Variants in DYSF observed in about 807,000 individuals in gnomAD.
DYSF encodes the protein dysferlin, also known as dystrophy-associated fer-1-like 1.
Under a neutral mutation model 274.9 loss-of-function variants are expected in DYSF, and 212 were observed. The observed-to-expected ratio is 0.77, with a 90% CI of 0.69 to 0.86. DYSF has a LOEUF of 0.86. Ranked by LOEUF, DYSF falls within the 40% of genes least tolerant of loss-of-function variation. The pLI is 0.00. For synonymous variants in DYSF, 1,091 were observed against 1,078.7 expected (o/e 1.01, Z -0.22); for missense variants, 2,666 against 2,783.2 (o/e 0.96, Z 0.95).
chr2:71,536,827 AG>A (rs1384691790), intron 16 of DYSF, among the ~76,000 whole-genome samples: 1 of 152,240 alleles, frequency 6.6e-6, no homozygotes, highest in Admixed American at 6.5e-5. Context: ...CCTATCCAGA[AG>A]AGTGCTTTCT....
chr2:71,471,983 A>G (rs1043555189), intron 1 of DYSF, among the ~76,000 whole-genome samples: 1 of 152,162 alleles, frequency 6.6e-6, no homozygotes, highest in Non-Finnish European at 1.5e-5. Flanking sequence ...TCAATTAATT[A>G]ATTAAAAAAA....
chr2:71,602,382 C>T (rs2152861162), intron 35 of DYSF, among the ~76,000 whole-genome samples: 1 of 152,318 alleles, frequency 6.6e-6, no homozygotes, highest in South Asian at 2.1e-4. Flanking sequence ...GCTCTCAGTG[C>T]TGCCCGCTCC....
At chr2:71,685,584 G>A (rs1048901556) in intron 55 of DYSF, among the ~76,000 whole-genome samples, 1 of 152,234 alleles carries the variant, frequency 6.6e-6, no homozygotes, top group South Asian at 2.1e-4. Context: ...CCCAAGGACA[G>A]GGCAGCTTCC....
At chr2:71,529,707 TTCTCAGCTACC>T (rs2088431461) in intron 14 of DYSF, among the ~76,000 whole-genome samples, 1 of 152,244 alleles carries the variant, frequency 6.6e-6, no homozygotes, top group Non-Finnish European at 1.5e-5. Flanking sequence ...GATGTCCTAC[TTCTCAGCTACC>T]TCTTATCTAA....
upstream of DYSF, among the ~76,000 whole-genome samples, chr2:71,463,060 G>A (rs1445256921): frequency 3.9e-5 from 6 of 152,212 alleles, no homozygotes; most frequent in African/African-American, 1.4e-4. Context: ...TTTCTGCCCA[G>A]GAGCCTGTCT....
At chr2:71,543,967 G>A (rs554144399) in intron 17 of DYSF, among the ~76,000 whole-genome samples, 13 of 148,378 alleles carry the variant, frequency 8.8e-5, no homozygotes, top group Admixed American at 2.0e-4. Flanking sequence ...AGAGGGAGAC[G>A]GAGAGGGAGA....
At chr2:71,662,934 GCA>G (rs2094917885) in intron 45 of DYSF, among the ~76,000 whole-genome samples, 7 of 152,150 alleles carry the variant, frequency 4.6e-5, no homozygotes, top group South Asian at 2.1e-4. Flanking sequence ...GCACGTATGT[GCA>G]TGTGTGTGTG....
At chr2:71,516,756 G>T (rs1292545790) in intron 9 of DYSF, among the ~76,000 whole-genome samples, 1 of 152,172 alleles carries the variant, frequency 6.6e-6, no homozygotes, top group Non-Finnish European at 1.5e-5. Context: ...TGCCGTGTAG[G>T]GATTGTGTTT....
chr2:71,630,146 C>G (rs973407511), intron 41 of DYSF, among the ~76,000 whole-genome samples: 2 of 152,166 alleles, frequency 1.3e-5, no homozygotes, highest in Non-Finnish European at 2.9e-5. Context: ...TAGATTCTTT[C>G]CATAAATTCA....
At chr2:71,504,663 G>T (rs1288645623) in intron 4 of DYSF, among the ~76,000 whole-genome samples, 1 of 152,188 alleles carries the variant, frequency 6.6e-6, no homozygotes, top group Non-Finnish European at 1.5e-5. Flanking sequence ...GGTCAGGCTT[G>T]GTTCTCACTT....
At chr2:71,572,744 G>C (rs1021545753) in intron 29 of DYSF, among the ~76,000 whole-genome samples, 5 of 152,224 alleles carry the variant, frequency 3.3e-5, no homozygotes, top group African/African-American at 7.2e-5. Flanking sequence ...TCTTCAGTGA[G>C]GGGGTTTCCT....
At chr2:71,665,434 G>A (rs1314785351) in intron 47 of DYSF, 130 bp downstream of exon 47, 5 of 1,190,622 alleles carry the variant, frequency 4.2e-6, no homozygotes, top group African/African-American at 3.0e-5. Context: ...GTCTCTCCAG[G>A]GCAGCACAGA....
At chr2:71,557,818 G>C (rs1330110721) in intron 22 of DYSF, among the ~76,000 whole-genome samples, 2 of 152,242 alleles carry the variant, frequency 1.3e-5, no homozygotes, top group Non-Finnish European at 1.5e-5. Flanking sequence ...GACTGAGGCA[G>C]ACAGATCACT....
intron 36 of DYSF, 141 bp from the exon 37 acceptor site, chr2:71,611,104 C>T: frequency 1.3e-6 from 1 of 741,394 alleles, no homozygotes. Context: ...TTCTGCCTCC[C>T]TGTTTGTCCA....
rs550425700 is a variant in DYSF at position 71,649,293 on chromosome 2, G to A, written c.4626+5230G>A. 3.3e-5 allele frequency among the ~76,000 whole-genome samples: 5 copies of A among 152,126 alleles called. No individual in the cohort carries two copies. In the South Asian group the frequency reaches 8.3e-4, roughly 25 times the overall value. On this transcript the variant is annotated intron_variant, in intron 42 of 55. Transcript: ENST00000410020. Reference sequence around the variant, plus strand: ...AACTGACAAAAATTAGGTGGAGAAGGACAAAAGAGTATGGAATATAGAGTA... The same window carrying A: ...AACTGACAAAAATTAGGTGGAGAAGAACAAAAGAGTATGGAATATAGAGTA...
At chr2:71,512,178 C>T (rs2086168226) in intron 5 of DYSF, among the ~76,000 whole-genome samples, 1 of 152,220 alleles carries the variant, frequency 6.6e-6, no homozygotes, top group African/African-American at 2.4e-5. Context: ...CTCCAAGCCC[C>T]AGCTGCCTGG....
chr2:71,506,357 G>A lies in DYSF; in HGVS notation c.345+3038G>A, dbSNP rs117413919. Reference sequence around the variant, plus strand: ...CAAGACAGGAGTCTCAAGTTCTGCTGATCTCGTTGATTGTGGGCCCCAAGG... The same window carrying A: ...CAAGACAGGAGTCTCAAGTTCTGCTAATCTCGTTGATTGTGGGCCCCAAGG... On this transcript the variant is annotated intron_variant, in intron 4 of 55. Transcript: ENST00000410020. 1.4e-4 allele frequency among the ~76,000 whole-genome samples: 21 copies of A among 152,278 alleles called. No homozygotes were observed. The East Asian group carries it at 4.1e-3, about 29-fold the overall frequency.
intron 3 of DYSF, 77 bp from the exon 4 acceptor site, chr2:71,503,137 G>T: frequency 1.5e-6 from 2 of 1,290,692 alleles, no homozygotes; most frequent in Non-Finnish European, 2.3e-6. Context: ...CATCTGAGTG[G>T]TGGCAGTGAG....
chr2:71,595,879 G>A (rs1216036156), intron 32 of DYSF, among the ~76,000 whole-genome samples: 1 of 152,126 alleles, frequency 6.6e-6, no homozygotes, highest in African/African-American at 2.4e-5. Context: ...CCCCTCCACC[G>A]CTTTTTGGGA....
Sources: gnomAD v4.1 joint callset for allele counts (sites outside exome capture counted in the v4.1 genomes callset) on GRCh38, gnomAD v4.1.1 for gene constraint, MANE v1.5 for transcripts, NCBI Gene and HGNC (gene_info 2026-07-23, HGNC 2026-07-21) for gene names.